Variants in RNF180 observed in about 807,000 individuals in gnomAD.
RNF180 encodes the protein E3 ubiquitin-protein ligase RNF180.
RNF180 carries 38 observed loss-of-function variants against 59.2 expected under a neutral mutation model. That is an observed-to-expected ratio of 0.64 (90% CI 0.50 to 0.84). The LOEUF is 0.84. Ranked by LOEUF, RNF180 falls within the 40% of genes least tolerant of loss-of-function variation. The probability of loss-of-function intolerance (pLI) is 0.00; values close to 1 mark genes in which losing one functional copy is unlikely to be tolerated. For synonymous variants in RNF180, 262 were observed against 240.3 expected, an observed-to-expected ratio of 1.09 and a Z score of -0.84; for missense variants, 705 against 700.9, an observed-to-expected ratio of 1.01 and a Z score of -0.07.
intron 5 of RNF180, among the ~76,000 whole-genome samples, chr5:64,249,973 C>T (rs1743457638): frequency 6.6e-6 from 1 of 152,040 alleles, no homozygotes. Context: ...ACTTAACAGG[C>T]ATATAGGAAA....
intron 5 of RNF180, among the ~76,000 whole-genome samples, chr5:64,258,509 G>A (rs889260284): frequency 6.6e-6 from 1 of 152,152 alleles, no homozygotes; most frequent in Non-Finnish European, 1.5e-5. Context: ...TATAATGGTT[G>A]AGAGTGAGAG....
At chr5:64,279,341 G>A (rs190638754) in intron 5 of RNF180, among the ~76,000 whole-genome samples, 5 of 152,224 alleles carry the variant, frequency 3.3e-5, no homozygotes, top group Admixed American at 3.3e-4. Flanking sequence ...TACTGGGAAA[G>A]AATAGACAGA....
At chr5:64,341,221 T>C (rs927568118) in intron 7 of RNF180, among the ~76,000 whole-genome samples, 4 of 152,196 alleles carry the variant, frequency 2.6e-5, no homozygotes, top group Non-Finnish European at 1.5e-5. Flanking sequence ...CACATAGTCC[T>C]GACCTTGGCC....
intron 5 of RNF180, among the ~76,000 whole-genome samples, chr5:64,263,450 ATAAAATATGTT>A (rs953960176): frequency 6.6e-4 from 100 of 152,314 alleles, no homozygotes; most frequent in African/African-American, 2.2e-3. Context: ...ACATCCCTAG[ATAAAATATGTT>A]TAAAAGAAAA....
At chr5:64,354,937 G>A (rs1745958815) in intron 7 of RNF180, among the ~76,000 whole-genome samples, 1 of 151,796 alleles carries the variant, frequency 6.6e-6, no homozygotes, top group South Asian at 2.1e-4. Flanking sequence ...ATGACACTGG[G>A]CACTTATGAA....
chr5:64,337,947 A>G (rs947108040), intron 7 of RNF180, among the ~76,000 whole-genome samples: 5 of 152,118 alleles, frequency 3.3e-5, no homozygotes, highest in Admixed American at 1.3e-4. Context: ...GCTATTGTGA[A>G]TAGTGCTGCA....
Position 64,291,361 on chromosome 5 carries a change from A to G in RNF180, c.1228-33825A>G, listed in dbSNP as rs184711947. Among the ~76,000 whole-genome samples the G allele has an allele frequency of 4.4e-4, 65 of 148,884 alleles. 1 individual carries two copies. Among genetic ancestry groups the G allele is most frequent in the Admixed American group, 4.1e-3 (62 of 14,944 alleles). ...GGTTCTCTGGATTTCCTGAATTGGA[A>G]TGTTGGCCTTCTTGTTAGGGAAATT... On this transcript the variant is annotated intron_variant, in intron 5 of 7. Transcript: ENST00000389100.
chr5:64,298,891 A>G (rs1645636731), intron 5 of RNF180, among the ~76,000 whole-genome samples: 1 of 152,126 alleles, frequency 6.6e-6, no homozygotes, highest in African/African-American at 2.4e-5. Flanking sequence ...TGCTATAGCT[A>G]AACTCCCTAT....
chr5:64,321,785 C>CAA (rs944296574), intron 5 of RNF180, among the ~76,000 whole-genome samples: 1 of 152,088 alleles, frequency 6.6e-6, no homozygotes, highest in African/African-American at 2.4e-5. Flanking sequence ...CTACAGTAAC[C>CAA]AAAACAGCAT....
intron 5 of RNF180, among the ~76,000 whole-genome samples, chr5:64,248,203 G>C (rs947305366): frequency 3.3e-5 from 5 of 152,132 alleles, no homozygotes; most frequent in African/African-American, 1.2e-4. Flanking sequence ...CGTGGGCAAA[G>C]ACTTCATGAC....
chr5:64,267,020 T>C (rs1201168710), intron 5 of RNF180, among the ~76,000 whole-genome samples: 1 of 152,142 alleles, frequency 6.6e-6, no homozygotes, highest in African/African-American at 2.4e-5. Context: ...AATATTAGTA[T>C]GTTTAATTTT....
rs77298129 is a variant in RNF180 at position 64,367,068 on chromosome 5, C to T, written c.1580-2547C>T. Among the ~76,000 whole-genome samples, 186 of 151,568 alleles carry T rather than the reference C, an allele frequency of 1.2e-3. 2 individuals are homozygous for T. The highest frequency in any genetic ancestry group is 2.2e-3 in the Admixed American group (34 of 15,136). On this transcript the variant is annotated intron_variant, in intron 7 of 7. Coordinates refer to ENST00000389100, the MANE Select transcript of RNF180 (RefSeq NM_001113561.2). ...AGGCCAGAGAATAGAATGACATATTCAAAGTGCTGAAGAAAAAAATGGCAG... is the reference window on the plus strand; with the variant it reads ...AGGCCAGAGAATAGAATGACATATTTAAAGTGCTGAAGAAAAAAATGGCAG...
At chr5:64,192,766 C>T (rs963067511) in intron 1 of RNF180, among the ~76,000 whole-genome samples, 1 of 151,530 alleles carries the variant, frequency 6.6e-6, no homozygotes, top group Non-Finnish European at 1.5e-5. Flanking sequence ...GATGTATATA[C>T]AGAATAATTG....
chr5:64,360,856 A>G (rs1216715650), intron 7 of RNF180, among the ~76,000 whole-genome samples: 1 of 151,610 alleles, frequency 6.6e-6, no homozygotes, highest in Non-Finnish European at 1.5e-5. Context: ...CCCATAGGGT[A>G]TCTTGATATT....
intron 1 of RNF180, among the ~76,000 whole-genome samples, chr5:64,179,825 A>C (rs763741385): frequency 6.6e-6 from 1 of 152,210 alleles, no homozygotes; most frequent in African/African-American, 2.4e-5. Context: ...TGCTTTCCAA[A>C]ATGATTGTGC....
chr5:64,188,620 G>A (rs1750983861), intron 1 of RNF180, among the ~76,000 whole-genome samples: 1 of 152,092 alleles, frequency 6.6e-6, no homozygotes, highest in Non-Finnish European at 1.5e-5. Flanking sequence ...ATTGATAATT[G>A]CTAAGGGAGC....
At chr5:64,212,024 T>G (rs1202326208) in intron 2 of RNF180, 41 bp from the exon 3 acceptor site, 1 of 1,143,368 alleles carries the variant, frequency 8.7e-7, no homozygotes, top group South Asian at 1.4e-5. Flanking sequence ...AAATAAATTC[T>G]GAACTGGTAA....
chr5:64,326,171 T>C (rs890917661), intron 6 of RNF180, among the ~76,000 whole-genome samples: 3 of 152,056 alleles, frequency 2.0e-5, no homozygotes, highest in African/African-American at 7.2e-5. Flanking sequence ...TGCGTCTTTC[T>C]TCCCTCAAGG....
At chr5:64,280,063 A>G (rs185792126) in intron 5 of RNF180, among the ~76,000 whole-genome samples, 93 of 152,298 alleles carry the variant, frequency 6.1e-4, no homozygotes, top group Admixed American at 1.7e-3. Context: ...TTTGATTTGT[A>G]CTTAATGATT....
Sources: allele counts gnomAD v4.1 joint callset (sites outside exome capture counted in the v4.1 genomes callset), GRCh38; gene constraint gnomAD v4.1.1; transcripts MANE v1.5; gene names NCBI Gene and HGNC (gene_info 2026-07-23, HGNC 2026-07-21).